NLGN4X: variants seen among roughly 807,000 people sequenced by gnomAD.
NLGN4X encodes neuroligin-4, X-linked.
Under a neutral mutation model 40.3 loss-of-function variants are expected in NLGN4X, and 3 were observed. The ratio of observed to expected loss-of-function variants is 0.07; its 90% CI spans 0.03 to 0.19. The LOEUF (loss-of-function observed/expected upper bound fraction) is 0.19. Ranked by LOEUF, NLGN4X falls within the 10% of genes least tolerant of loss-of-function variation. The pLI is 1.00. For missense variants in NLGN4X, 382 were observed against 708.3 expected, an observed-to-expected ratio of 0.54 and a Z score of 5.23; for synonymous variants, 270 against 306.8, an observed-to-expected ratio of 0.88 and a Z score of 1.25.
chrX:6,081,119 T>C (rs1225661517), intron 2 of NLGN4X, among the ~76,000 whole-genome samples: 1 of 111,189 alleles, frequency 9.0e-6, no homozygotes, highest in Non-Finnish European at 1.9e-5. Flanking sequence ...CAAAACCCTG[T>C]CTCTACCAAA....
intron 3 of NLGN4X, among the ~76,000 whole-genome samples, chrX:5,946,152 C>A (rs1018828194): frequency 7.2e-5 from 8 of 110,949 alleles, no homozygotes; most frequent in African/African-American, 2.6e-4. Context: ...CTTGTGGGTC[C>A]CTTAAAAGCA....
intron 2 of NLGN4X, among the ~76,000 whole-genome samples, chrX:6,033,931 T>C (rs753414259): frequency 1.9e-4 from 21 of 112,568 alleles, no homozygotes; most frequent in Non-Finnish European, 3.8e-4. Context: ...AGTCTTTGCC[T>C]TCCTATAGGG....
intron 2 of NLGN4X, among the ~76,000 whole-genome samples, chrX:6,115,772 G>A (rs910981101): frequency 9.9e-5 from 11 of 111,458 alleles, no homozygotes; most frequent in African/African-American, 3.6e-4. Context: ...ATTGTCTTCT[G>A]TCTCTATGCA....
chrX:6,055,104 T>C lies in NLGN4X; in HGVS notation c.473-25672A>G, dbSNP rs184945332. Among the ~76,000 whole-genome samples the C allele has an allele frequency of 2.0e-4, 22 of 112,021 alleles. No homozygotes were observed. In the East Asian group the frequency reaches 6.2e-3, roughly 31 times the overall value. ...CAATTGCCAGCAACCGTAGTTCAGGTTGTCACCTACTTAGCTGTCTCAGGT... is the reference window on the plus strand; with the variant it reads ...CAATTGCCAGCAACCGTAGTTCAGGCTGTCACCTACTTAGCTGTCTCAGGT... On this transcript the variant is annotated intron_variant, in intron 2 of 5. Transcript: ENST00000381095.
chrX:5,909,324 T>C (rs1304017446), intron 3 of NLGN4X, 85 bp from the exon 4 acceptor site: 2 of 1,062,734 alleles, frequency 1.9e-6, no homozygotes, highest in Non-Finnish European at 2.6e-6. Flanking sequence ...ATCTCATAGC[T>C]TGTCTTCTTC....
intron 2 of NLGN4X, among the ~76,000 whole-genome samples, chrX:6,056,533 T>C (rs1363533347): frequency 8.9e-6 from 1 of 111,829 alleles, no homozygotes; most frequent in African/African-American, 3.2e-5. Flanking sequence ...TTTGTTTTGT[T>C]TTGCTTTGTT....
intron 2 of NLGN4X, among the ~76,000 whole-genome samples, chrX:6,048,646 A>G (rs2037389246): frequency 9.0e-6 from 1 of 111,671 alleles, no homozygotes; most frequent in Non-Finnish European, 1.9e-5. Context: ...CATATACACC[A>G]TGGAATACTA....
chrX:6,225,681 CTTTTTTTCTTTTTTTTTT>C (rs1926173040), intron 1 of NLGN4X, among the ~76,000 whole-genome samples: 6 of 33,806 alleles, frequency 1.8e-4, no homozygotes, highest in East Asian at 1.0e-3. Flanking sequence ...TTTTTTCTTT[CTTTTTTTCTTTTTTTTTT>C]TTTTTTTTTT....
intron 2 of NLGN4X, among the ~76,000 whole-genome samples, chrX:6,052,861 A>C (rs1263436989): frequency 8.9e-6 from 1 of 112,562 alleles, no homozygotes; most frequent in Non-Finnish European, 1.9e-5. Flanking sequence ...ATTATAACAG[A>C]GTTCAGAAAT....
chrX:6,029,142 C>A (rs2036786690), intron 3 of NLGN4X, 138 bp downstream of exon 3: 1 of 712,235 alleles, frequency 1.4e-6, no homozygotes. Flanking sequence ...CATATCCAAT[C>A]ACATAAAGTA....
chrX:6,012,640 T>C (rs1421459300), intron 3 of NLGN4X, among the ~76,000 whole-genome samples: 1 of 111,612 alleles, frequency 9.0e-6, no homozygotes, highest in Non-Finnish European at 1.9e-5. Context: ...ATATAATTAG[T>C]TAAGGATCTG....
At chrX:5,908,896 G>A (rs2032339081) in intron 4 of NLGN4X, among the ~76,000 whole-genome samples, 158 bp downstream of exon 4, 1 of 112,352 alleles carries the variant, frequency 8.9e-6, no homozygotes, top group Non-Finnish European at 1.9e-5. Context: ...CAAAAGCTGA[G>A]TTAAAAGACA....
chrX:5,949,639 A>G (rs1438916384), intron 3 of NLGN4X, among the ~76,000 whole-genome samples: 1 of 112,285 alleles, frequency 8.9e-6, no homozygotes, highest in Non-Finnish European at 1.9e-5. Context: ...TACAGAAGTA[A>G]TAAGAATATA....
intron 2 of NLGN4X, among the ~76,000 whole-genome samples, chrX:6,116,094 C>A (rs1230855482): frequency 9.3e-6 from 1 of 107,245 alleles, no homozygotes; most frequent in African/African-American, 3.4e-5. Context: ...GAGATGGAGA[C>A]CATCCTGGCT....
At chrX:6,164,999 A>G (rs2040470415) in intron 1 of NLGN4X, among the ~76,000 whole-genome samples, 1 of 111,240 alleles carries the variant, frequency 9.0e-6, no homozygotes, top group South Asian at 3.8e-4. Context: ...TGAGTATGAC[A>G]CTGTACAAGC....
At chrX:5,898,582 C>A (rs940456238) in intron 5 of NLGN4X, among the ~76,000 whole-genome samples, 2 of 111,069 alleles carry the variant, frequency 1.8e-5, no homozygotes, top group African/African-American at 6.6e-5. Context: ...GCTGTGCCTG[C>A]AGGTTTAGAA....
At chrX:5,966,740 T>C (rs1455375046) in intron 3 of NLGN4X, among the ~76,000 whole-genome samples, 1 of 106,203 alleles carries the variant, frequency 9.4e-6, no homozygotes, top group Non-Finnish European at 1.9e-5. Flanking sequence ...TGTAGTTTCA[T>C]TGACTTGAGT....
At chrX:6,176,035 C>T (rs965550123) in intron 1 of NLGN4X, among the ~76,000 whole-genome samples, 1 of 111,509 alleles carries the variant, frequency 9.0e-6, no homozygotes, top group African/African-American at 3.3e-5. Flanking sequence ...AGTTATGACA[C>T]AGCGAGCGGG....
intron 2 of NLGN4X, among the ~76,000 whole-genome samples, chrX:6,130,996 C>T (rs2039667263): frequency 1.8e-5 from 2 of 111,632 alleles, no homozygotes; most frequent in Non-Finnish European, 3.8e-5. Context: ...CAGCAAAATT[C>T]TGCTTTCTAT....
Sources: gnomAD v4.1 joint callset for allele counts (sites outside exome capture counted in the v4.1 genomes callset) on GRCh38, gnomAD v4.1.1 for gene constraint, MANE v1.5 for transcripts, NCBI Gene and HGNC (gene_info 2026-07-23, HGNC 2026-07-21) for gene names.